The following RALGAPA1 variants were observed in gnomAD, a reference collection of about 807,000 sequenced individuals.
RALGAPA1 encodes ral GTPase-activating protein subunit alpha-1.
Under a neutral mutation model 269.6 loss-of-function variants are expected in RALGAPA1, and 52 were observed. The ratio of observed to expected loss-of-function variants is 0.19; its 90% CI spans 0.15 to 0.24. The LOEUF is 0.24. Ranked by LOEUF, RALGAPA1 falls within the 10% of genes least tolerant of loss-of-function variation. The pLI is 1.00. For missense variants in RALGAPA1, 1,917 were observed against 3,013.9 expected, an observed-to-expected ratio of 0.64 and a Z score of 8.52; for synonymous variants, 817 against 1,008.3, an observed-to-expected ratio of 0.81 and a Z score of 3.60.
At chr14:35,794,077 T>G (rs1317370018) in intron 1 of RALGAPA1, among the ~76,000 whole-genome samples, 10 of 152,082 alleles carry the variant, frequency 6.6e-5, no homozygotes, top group Admixed American at 5.9e-4. Context: ...ATCAGACAGA[T>G]TCAAATTAAA....
chr14:35,561,025 T>G (rs1207577377), intron 39 of RALGAPA1, among the ~76,000 whole-genome samples: 4 of 151,628 alleles, frequency 2.6e-5, no homozygotes, highest in Non-Finnish European at 4.4e-5. Flanking sequence ...GTCAGGAGTT[T>G]GAGACCAGCC....
At chr14:35,692,884 A>T (rs776335875) in intron 17 of RALGAPA1, among the ~76,000 whole-genome samples, 2 of 151,940 alleles carry the variant, frequency 1.3e-5, no homozygotes, top group Non-Finnish European at 2.9e-5. Context: ...ACTAAATAAT[A>T]ACTAAACTAT....
In RALGAPA1 at chr14:35,756,804, T is replaced by C. The variant is rs370570306; in HGVS notation, c.652A>G (p.Ile218Val). 10 of 1,602,156 alleles carry C rather than the reference T, an allele frequency of 6.2e-6. No individual in the cohort carries two copies. In the African/African-American group the frequency reaches 8.0e-5, roughly 13 times the overall value. ...SYFLEALLKY[I>V]VIQVKSLEWK... ...AAGATAACAAGTACCTGAATGACTA[T>C]GTATTTTAGAAGTGCTTCAAGAAAA... The change falls in exon 7 of 42, where the codon ATA (isoleucine) becomes GTA (valine). Residue 218 changes from isoleucine to valine, a missense_variant. Physicochemically the swap from Ile to Val is conservative, Grantham distance 29. Transcript: ENST00000680220.
chr14:35,573,453 G>C (rs1213649859), intron 37 of RALGAPA1, among the ~76,000 whole-genome samples: 1 of 152,128 alleles, frequency 6.6e-6, no homozygotes, highest in African/African-American at 2.4e-5. Context: ...TTTTAGTGCA[G>C]ATCTTACATG....
intron 11 of RALGAPA1, among the ~76,000 whole-genome samples, chr14:35,741,431 G>A (rs1193997392): frequency 1.3e-5 from 2 of 151,586 alleles, no homozygotes; most frequent in Non-Finnish European, 2.9e-5. Context: ...AGGGGGGAGG[G>A]TGCTCTATGT....
At chr14:35,775,887 A>G (rs1026770428) in intron 1 of RALGAPA1, 142 bp from the exon 2 acceptor site, 2 of 872,928 alleles carry the variant, frequency 2.3e-6, no homozygotes, top group African/African-American at 3.5e-5. Flanking sequence ...ATATATTTCT[A>G]TGTCTATATC....
intron 16 of RALGAPA1, among the ~76,000 whole-genome samples, chr14:35,701,515 T>C (rs2067350293): frequency 6.6e-6 from 1 of 152,210 alleles, no homozygotes; most frequent in Non-Finnish European, 1.5e-5. Context: ...TTTTATAATG[T>C]TCCTTAAAAT....
chr14:35,647,947 C>T (rs2062559866), intron 31 of RALGAPA1, among the ~76,000 whole-genome samples: 1 of 150,256 alleles, frequency 6.7e-6, no homozygotes, highest in Admixed American at 6.6e-5. Flanking sequence ...AACTCCGTCT[C>T]TAAATAAATA....
At chr14:35,593,595 T>A (rs1457851297) in intron 37 of RALGAPA1, among the ~76,000 whole-genome samples, 1 of 152,098 alleles carries the variant, frequency 6.6e-6, no homozygotes, top group African/African-American at 2.4e-5. Context: ...CTGGGCACAG[T>A]GGCTTACACC....
intron 37 of RALGAPA1, among the ~76,000 whole-genome samples, chr14:35,582,786 G>A (rs1236155375): frequency 6.6e-6 from 1 of 152,168 alleles, no homozygotes; most frequent in Non-Finnish European, 1.5e-5. Flanking sequence ...CCTGCCCTCA[G>A]TAGAAACTAT....
intron 39 of RALGAPA1, among the ~76,000 whole-genome samples, chr14:35,550,413 C>T (rs1466080699): frequency 1.3e-5 from 2 of 152,058 alleles, no homozygotes; most frequent in African/African-American, 4.8e-5. Flanking sequence ...CCAAAGTCCA[C>T]TTTAATATTT....
At chr14:35,650,338 CTG>C (rs1367267178) in intron 31 of RALGAPA1, among the ~76,000 whole-genome samples, 1 of 151,978 alleles carries the variant, frequency 6.6e-6, no homozygotes, top group Non-Finnish European at 1.5e-5. Flanking sequence ...TGAGCCGAGA[CTG>C]TGCCACAGTA....
intron 1 of RALGAPA1, among the ~76,000 whole-genome samples, chr14:35,780,688 C>G (rs760542915): frequency 6.6e-6 from 1 of 152,090 alleles, no homozygotes. Flanking sequence ...ATACAACATA[C>G]CAAAACTTAT....
intron 39 of RALGAPA1, among the ~76,000 whole-genome samples, chr14:35,558,281 T>C (rs1471735359): frequency 6.6e-6 from 1 of 152,228 alleles, no homozygotes; most frequent in African/African-American, 2.4e-5. Context: ...ACTTGTGTTA[T>C]GCAGAAAGTT....
chr14:35,721,414 C>T (rs1421730727), intron 16 of RALGAPA1, among the ~76,000 whole-genome samples: 3 of 152,156 alleles, frequency 2.0e-5, no homozygotes, highest in Admixed American at 1.3e-4. Flanking sequence ...CACAGTTCTA[C>T]TTCTTCAATT....
In RALGAPA1 at chr14:35,548,430, C is replaced by T; in HGVS notation, c.*23+78G>A. ...TTAAGTTTACTTATTGTTTAAGTTA[C>T]AAGCTTAGAGCCTGCTAATTTTGAA... On this transcript the variant is annotated intron_variant, in intron 41 of 41. Transcript: ENST00000680220. 5.1e-6 allele frequency: 5 copies of T among 971,106 alleles called. No individual in the cohort carries two copies. The South Asian group carries it at 8.9e-5, about 17-fold the overall frequency. The allele number at this position is 971,106 out of a possible 1,614,324, so 60.2% of individuals were successfully genotyped here. A position where few individuals can be genotyped will look rare whatever the true frequency, so the allele number is the denominator to read the frequency against.
intron 39 of RALGAPA1, among the ~76,000 whole-genome samples, chr14:35,562,854 T>C (rs928355505): frequency 6.6e-6 from 1 of 151,306 alleles, no homozygotes; most frequent in African/African-American, 2.4e-5. Flanking sequence ...ACCCCATCTC[T>C]ACTAAAAATA....
chr14:35,784,303 T>C lies in RALGAPA1; in HGVS notation c.107-8558A>G, dbSNP rs536575895. Among the ~76,000 whole-genome samples the C allele has an allele frequency of 4.7e-4, 72 of 152,080 alleles. 1 individual carries two copies. The highest frequency in any genetic ancestry group is 3.5e-4 in the Non-Finnish European group (24 of 68,018). ...TTATCTAGCCGTAAAAAGCACGAAA[T>C]AGTATTATAAGCTACAATGTGATGG... is the stretch of plus-strand genomic sequence containing the variant. On this transcript the variant is annotated intron_variant, in intron 1 of 41. Coordinates refer to ENST00000680220, the MANE Select transcript of RALGAPA1 (RefSeq NM_001346249.2).
chr14:35,744,123 G>A (rs1202818392), intron 10 of RALGAPA1, among the ~76,000 whole-genome samples: 1 of 152,076 alleles, frequency 6.6e-6, no homozygotes, highest in Non-Finnish European at 1.5e-5. Context: ...TGTAATCCTA[G>A]CACTTTGGGA....
Sources: allele counts gnomAD v4.1 joint callset (sites outside exome capture counted in the v4.1 genomes callset), GRCh38; gene constraint gnomAD v4.1.1; transcripts MANE v1.5; gene names NCBI Gene and HGNC (gene_info 2026-07-23, HGNC 2026-07-21).